PPP1R37: variants seen among roughly 807,000 people sequenced by gnomAD.
PPP1R37 encodes the protein leucine rich repeat containing 68.
A neutral mutation model predicts 61.0 loss-of-function variants in PPP1R37; 21 were observed. The observed-to-expected ratio is 0.34, with a 90% CI of 0.24 to 0.50. PPP1R37 has a LOEUF of 0.50. Ranked by LOEUF, PPP1R37 falls within the 20% of genes least tolerant of loss-of-function variation. The pLI is 0.98. For missense variants in PPP1R37, 910 were observed against 952.7 expected, an observed-to-expected ratio of 0.96 and a Z score of 0.59; for synonymous variants, 443 against 433.5, an observed-to-expected ratio of 1.02 and a Z score of -0.27.
At chr19:45,117,813 G>C (rs1968289816) in intron 1 of PPP1R37, among the ~76,000 whole-genome samples, 2 of 152,218 alleles carry the variant, frequency 1.3e-5, no homozygotes, top group Admixed American at 6.5e-5. Context: ...TCTTAGAGTA[G>C]CACCTGGCAG....
In PPP1R37 at chr19:45,106,744, G is replaced by A. The variant is rs535298825; in HGVS notation, c.202+13217G>A. ...TGTTTTGTAGAGATGGATTTGCACC[G>A]GGTTGCTCAGGCTTCGTTGTGCTTT... is the stretch of plus-strand genomic sequence containing the variant. On this transcript the variant is annotated intron_variant, in intron 1 of 12. Transcript: ENST00000221462. 4.6e-5 allele frequency among the ~76,000 whole-genome samples: 7 copies of A among 151,434 alleles called. No individual in the cohort carries two copies. In the East Asian group the frequency reaches 9.7e-4, roughly 21 times the overall value.
At chr19:45,139,428 G>C (rs896573968) in intron 2 of PPP1R37, among the ~76,000 whole-genome samples, 5 of 152,194 alleles carry the variant, frequency 3.3e-5, no homozygotes, top group Non-Finnish European at 5.9e-5. Flanking sequence ...TTTTCCATTT[G>C]GTCGCTCTCC....
Position 45,129,549 on chromosome 19 carries a change from G to A in PPP1R37, c.203-8965G>A, listed in dbSNP as rs146617611. Reference sequence around the variant, plus strand: ...CCTGACCTCGTGATCTGCCCGTCTCGGCCTCCCAAAGTGCTGGGATTACAG... The same window carrying A: ...CCTGACCTCGTGATCTGCCCGTCTCAGCCTCCCAAAGTGCTGGGATTACAG... On this transcript the variant is annotated intron_variant, in intron 1 of 12. Coordinates refer to ENST00000221462, the MANE Select transcript of PPP1R37 (RefSeq NM_019121.2). Among the ~76,000 whole-genome samples, 17 of 152,176 alleles carry A rather than the reference G, an allele frequency of 1.1e-4. No homozygotes were observed. In the East Asian group the frequency reaches 1.9e-3, roughly 17 times the overall value.
chr19:45,106,217 C>T (rs1033767677), intron 1 of PPP1R37, among the ~76,000 whole-genome samples: 3 of 152,016 alleles, frequency 2.0e-5, no homozygotes, highest in African/African-American at 7.2e-5. Context: ...CTCTCCTCGG[C>T]CACCCCTCCA....
intron 1 of PPP1R37, among the ~76,000 whole-genome samples, chr19:45,114,896 G>A (rs1420544253): frequency 6.6e-6 from 1 of 152,132 alleles, no homozygotes; most frequent in Non-Finnish European, 1.5e-5. Flanking sequence ...TTCCAGCTGG[G>A]GGGCTTATGG....
chr19:45,121,606 C>A lies in PPP1R37; in HGVS notation c.203-16908C>A, dbSNP rs115438474. ...GCAGTGAATATACAGGGTCCTCACG[C>A]AAGGACCTGAGAGATGTGTGGGCAG... On this transcript the variant is annotated intron_variant, in intron 1 of 12. Transcript: ENST00000221462. This position sits in a 1 kb window ranked among gnomAD's most constrained non-coding sequence, Gnocchi z 4.2. Among the ~76,000 whole-genome samples, 1,480 of 152,332 alleles carry A rather than the reference C, an allele frequency of 9.7e-3. 20 individuals carry two copies. The highest frequency in any genetic ancestry group is 0.034 in the African/African-American group (1,408 of 41,578).
rs1343043761 is a variant in PPP1R37 at position 45,093,185 on chromosome 19, T to G, written c.-141T>G. 1 of 670,882 alleles carries G rather than the reference T, an allele frequency of 1.5e-6. No individual in the cohort carries two copies. Among genetic ancestry groups the G allele is most frequent in the Non-Finnish European group, 2.2e-6 (1 of 463,220 alleles). The allele number at this position is 670,882 out of a possible 1,614,324, so 41.6% of individuals were successfully genotyped here. On this transcript the variant is annotated 5_prime_UTR_variant, in exon 1 of 13. Transcript: ENST00000221462. ...CGCTTGGGCTCCCGGCGGCGACGAC[T>G]ACGACCACTAGGAGAGCGGACGGAG...
intron 1 of PPP1R37, among the ~76,000 whole-genome samples, chr19:45,105,658 C>A (rs553830350): frequency 4.9e-4 from 75 of 152,304 alleles, no homozygotes; most frequent in South Asian, 1.2e-3. Flanking sequence ...TCTGTAATCC[C>A]CTTCTGTCAC....
Position 45,093,238 on chromosome 19 carries a change from A to G in PPP1R37, c.-88A>G, listed in dbSNP as rs1967944005. 4 of 1,092,048 alleles carry G rather than the reference A, an allele frequency of 3.7e-6. No individual in the cohort carries two copies. The African/African-American group carries it at 5.0e-5, about 14-fold the overall frequency. 67.6% of individuals were successfully genotyped at this position (1,092,048 alleles called of 1,614,324 possible). ...GGCGCCTGAAGCGGCGGCGGAGCCC[A>G]TGCCCCGGGACGGCGGGCGGACCCG... On this transcript the variant is annotated 5_prime_UTR_variant, in exon 1 of 13. An upstream start codon of the reference 5' UTR is lost. Coordinates refer to ENST00000221462, the MANE Select transcript of PPP1R37 (RefSeq NM_019121.2).
chr19:45,109,201 T>C lies in PPP1R37; in HGVS notation c.202+15674T>C, dbSNP rs1306685431. Among the ~76,000 whole-genome samples the C allele has an allele frequency of 2.6e-5, 4 of 152,364 alleles. No individual in the cohort carries two copies. The East Asian group carries it at 7.7e-4, about 29-fold the overall frequency. ...TAGATGTAATTTTATTGTGCAGATATATTTGTCCTCATTTATCATTTGCCT... is the reference window on the plus strand; with the variant it reads ...TAGATGTAATTTTATTGTGCAGATACATTTGTCCTCATTTATCATTTGCCT... On this transcript the variant is annotated intron_variant, in intron 1 of 12. Transcript: ENST00000221462.
At chr19:45,133,385 A>G (rs933753735) in intron 1 of PPP1R37, among the ~76,000 whole-genome samples, 4 of 152,154 alleles carry the variant, frequency 2.6e-5, no homozygotes, top group Admixed American at 2.6e-4. Context: ...CGCCCGGCCC[A>G]GAATTCACGT....
intron 1 of PPP1R37, among the ~76,000 whole-genome samples, chr19:45,127,800 C>T (rs1968425811): frequency 6.6e-6 from 1 of 151,898 alleles, no homozygotes; most frequent in Non-Finnish European, 1.5e-5. Context: ...CACAGTGAAA[C>T]CCTGTCTCTA....
At position 45,140,163 on chromosome 19, in the gene PPP1R37, A is replaced by T; in HGVS notation, c.301-73A>T. ...CAGAACCCTGCCTGACCTCAGGCAT[A>T]GCAGCCATTTGGGGCCTCGGCTGCC... On this transcript the variant is annotated intron_variant, in intron 2 of 12. Transcript: ENST00000221462. 2.2e-6 allele frequency: 3 copies of T among 1,333,460 alleles called. No individual in the cohort carries two copies. The South Asian group carries it at 3.8e-5, about 17-fold the overall frequency. The allele number at this position is 1,333,460 out of a possible 1,614,324, so 82.6% of individuals were successfully genotyped here. A position where few individuals can be genotyped will look rare whatever the true frequency, so the allele number is the denominator to read the frequency against.
intron 1 of PPP1R37, among the ~76,000 whole-genome samples, chr19:45,095,393 T>C (rs1967979434): frequency 6.6e-6 from 1 of 151,978 alleles, no homozygotes; most frequent in South Asian, 2.1e-4. Context: ...CACTTAAGCC[T>C]TCCAAAGTGC....
chr19:45,146,508 C>G, intron 12 of PPP1R37, 28 bp downstream of exon 12: 1 of 1,468,022 alleles, frequency 6.8e-7, no homozygotes, highest in African/African-American at 1.4e-5. Context: ...GCCCACAGCA[C>G]TCGGGAGGAG....
intron 5 of PPP1R37, among the ~76,000 whole-genome samples, chr19:45,141,771 G>C (rs1968615123): frequency 6.6e-6 from 1 of 152,236 alleles, no homozygotes; most frequent in Non-Finnish European, 1.5e-5. Context: ...TGGAGGGACG[G>C]GACGGGGCTA....
chr19:45,093,547 C>A lies in PPP1R37; in HGVS notation c.202+20C>A, dbSNP rs1260699088. ...GACATGGTAGCTACCGCGGGTGAAG[C>A]GGGGGCGGGCTCGAGAGGGACCCGG... On this transcript the variant is annotated intron_variant, in intron 1 of 12. Coordinates refer to ENST00000221462, the MANE Select transcript of PPP1R37 (RefSeq NM_019121.2). The A allele has an allele frequency of 4.6e-6, 7 of 1,521,382 alleles. No homozygotes were observed. The South Asian group carries it at 8.4e-5, about 18-fold the overall frequency. 94.2% of individuals were successfully genotyped at this position (1,521,382 alleles called of 1,614,324 possible). A position where few individuals can be genotyped will look rare whatever the true frequency, so the allele number is the denominator to read the frequency against.
chr19:45,100,986 C>T (rs571567359), intron 1 of PPP1R37, among the ~76,000 whole-genome samples: 5 of 152,324 alleles, frequency 3.3e-5, no homozygotes, highest in East Asian at 1.9e-4. Context: ...TTGGTGACCC[C>T]GTAACCAGTC....
intron 1 of PPP1R37, among the ~76,000 whole-genome samples, chr19:45,118,642 C>T (rs1271514564): frequency 5.9e-5 from 9 of 152,338 alleles, no homozygotes; most frequent in South Asian, 2.1e-4. Flanking sequence ...ACCACAGTTA[C>T]GGACTTGTGC....
Sources: allele counts gnomAD v4.1 joint callset (sites outside exome capture counted in the v4.1 genomes callset), GRCh38; gene constraint gnomAD v4.1.1; non-coding constraint Gnocchi (gnomAD v3.1); transcripts MANE v1.5; gene names NCBI Gene and HGNC (gene_info 2026-07-23, HGNC 2026-07-21).